Variants in CFAP46 observed in about 807,000 individuals in gnomAD.
CFAP46 encodes the protein cilia- and flagella-associated protein 46.
A neutral mutation model predicts 325.7 loss-of-function variants in CFAP46; 245 were observed. That is an observed-to-expected ratio of 0.75 (90% confidence interval 0.68 to 0.84). CFAP46 has a LOEUF of 0.84. CFAP46 is among the 40% of genes least tolerant of loss of function. The pLI, the probability that CFAP46 is intolerant of heterozygous loss-of-function variation, is 0.00. For missense variants in CFAP46, 3,346 were observed against 3,543.0 expected (o/e 0.94, Z 1.41); for synonymous variants, 1,523 against 1,495.9 (o/e 1.02, Z -0.42).
intron 43 of CFAP46, 145 bp from the exon 44 acceptor site, chr10:132,846,372 T>C: frequency 3.0e-6 from 3 of 995,646 alleles, no homozygotes; most frequent in South Asian, 1.7e-5. Flanking sequence ...TGCTGGCTCC[T>C]CCTGGCACCT....
chr10:132,834,765 C>T lies in CFAP46; in HGVS notation c.6755G>A (p.Gly2252Asp). 1 of 1,611,342 alleles carries T rather than the reference C, an allele frequency of 6.2e-7. No homozygotes were observed. The highest frequency in any genetic ancestry group is 8.5e-7 in the Non-Finnish European group (1 of 1,178,620). ...MALNIGSEPE[G>D]LQVEEKERPV... ...GCGCTCCTTCTCTTCCACCTGCAGGCCTTCTGGTTCCTACCGCAATCCAAA... is the reference window on the plus strand; with the variant it reads ...GCGCTCCTTCTCTTCCACCTGCAGGTCTTCTGGTTCCTACCGCAATCCAAA... Residue 2252 changes from glycine to aspartate, a missense_variant, in exon 48 of 58, where the codon GGC becomes GAC. Coordinates refer to ENST00000368586, the MANE Select transcript of CFAP46 (RefSeq NM_001200049.3).
At chr10:132,818,638 A>T (rs1372535465) in intron 50 of CFAP46, among the ~76,000 whole-genome samples, 2 of 152,126 alleles carry the variant, frequency 1.3e-5, no homozygotes, top group Admixed American at 6.6e-5. Context: ...GGATCACCTG[A>T]GGGCAGGAGT....
intron 34 of CFAP46, 144 bp from the exon 35 acceptor site, chr10:132,866,315 G>T: frequency 1.1e-6 from 1 of 883,770 alleles, no homozygotes; most frequent in South Asian, 3.0e-5. Context: ...TAGGCACCAT[G>T]GGCGCCTCGC....
intron 22 of CFAP46, among the ~76,000 whole-genome samples, chr10:132,903,133 C>A (rs1165517342): frequency 6.6e-6 from 1 of 151,136 alleles, no homozygotes; most frequent in African/African-American, 2.4e-5. Context: ...ACTTCTCTCA[C>A]CCCATTGCTA....
chr10:132,904,832 G>A lies in CFAP46; in HGVS notation c.2924+3636C>T, dbSNP rs551507947. Among the ~76,000 whole-genome samples, 4 of 152,336 alleles carry A rather than the reference G, an allele frequency of 2.6e-5. No individual in the cohort carries two copies. In the South Asian group the frequency reaches 6.2e-4, roughly 24 times the overall value. On this transcript the variant is annotated intron_variant, in intron 22 of 57. Coordinates refer to ENST00000368586, the MANE Select transcript of CFAP46 (RefSeq NM_001200049.3). ...GCTGGAGCGCAGTGGTACAATCACGGCTTGCTGCAGCCTCGACCTACAGGC... is the reference window on the plus strand; with the variant it reads ...GCTGGAGCGCAGTGGTACAATCACGACTTGCTGCAGCCTCGACCTACAGGC...
intron 22 of CFAP46, among the ~76,000 whole-genome samples, chr10:132,906,462 T>C (rs1849457613): frequency 6.6e-6 from 1 of 151,532 alleles, no homozygotes; most frequent in African/African-American, 2.4e-5. Context: ...TGGCGCGTGA[T>C]GCCCCGTCCT....
Position 132,884,987 on chromosome 10 carries a change from G to A in CFAP46, c.3627+116C>T, listed in dbSNP as rs115598130. 38,127 of 1,139,338 alleles carry A rather than the reference G, an allele frequency of 0.033. 3,363 individuals carry two copies. Among genetic ancestry groups the A allele is most frequent in the African/African-American group, 0.31 (19,488 of 63,728 alleles). The allele number at this position is 1,139,338 out of a possible 1,614,324, so 70.6% of individuals were successfully genotyped here. A position where few individuals can be genotyped will look rare whatever the true frequency, so the allele number is the denominator to read the frequency against. On this transcript the variant is annotated intron_variant, in intron 27 of 57. Coordinates refer to ENST00000368586, the MANE Select transcript of CFAP46 (RefSeq NM_001200049.3). The surrounding 1 kb of genome is among the most constrained non-coding windows in gnomAD (Gnocchi z 5.4). ...GGTGCATTCTCTGTGCCCGTCAGCT[G>A]TGGCTGCTCTGCGTGCTGCCCCACA...
At chr10:132,836,688 C>G in intron 45 of CFAP46, 129 bp downstream of exon 45, 2 of 787,810 alleles carry the variant, frequency 2.5e-6, no homozygotes, top group Non-Finnish European at 4.3e-6. Flanking sequence ...TGGGACTGTC[C>G]GGGCGTTTCC....
rs1301627645 is a variant in CFAP46, at chr10:132,820,527, CTG to C, written c.7118-5615_7118-5614del. On this transcript the variant is annotated intron_variant, in intron 50 of 57. Coordinates refer to ENST00000368586, the MANE Select transcript of CFAP46 (RefSeq NM_001200049.3). ...TGTGTGCTGTGAGTGCTGATGTGTG[CTG>C]TGTGTGCACTGATGTGTGCTGTGTG... Among the ~76,000 whole-genome samples, 6 of 132,920 alleles carry C rather than the reference CTG, an allele frequency of 4.5e-5. No homozygotes were observed. The East Asian group carries it at 7.0e-4, about 16-fold the overall frequency. The allele number at this position is 132,920 out of a possible 152,430, so 87.2% of individuals were successfully genotyped here.
At chr10:132,837,567 G>C (rs1425918413) in intron 44 of CFAP46, among the ~76,000 whole-genome samples, 1 of 118,124 alleles carries the variant, frequency 8.5e-6, no homozygotes, top group Non-Finnish European at 1.7e-5. Flanking sequence ...AGACATGCAC[G>C]GACACACACA....
At position 132,936,968 on chromosome 10, in the gene CFAP46, G is replaced by T; in HGVS notation, c.748C>A (p.Leu250Ile). The T allele has an allele frequency of 6.5e-7, 1 of 1,532,594 alleles. No individual in the cohort carries two copies. Among genetic ancestry groups the T allele is most frequent in the Non-Finnish European group, 8.9e-7 (1 of 1,128,848 alleles). The allele number at this position is 1,532,594 out of a possible 1,614,324, so 94.9% of individuals were successfully genotyped here. ...CCTCCCAAAACGACTTACGCCTTTAGCATATTAATATAGAAAGTGACTGAC... is the reference window on the plus strand; with the variant it reads ...CCTCCCAAAACGACTTACGCCTTTATCATATTAATATAGAAAGTGACTGAC... ...SLSVTFYINM[L>I]KAKAEQNDLP... Residue 250 changes from leucine to isoleucine, a missense_variant, in exon 7 of 58, where the codon CTA becomes ATA. Coordinates refer to ENST00000368586, the MANE Select transcript of CFAP46 (RefSeq NM_001200049.3).
rs1849574340 is a variant in CFAP46 at position 132,912,816 on chromosome 10, G to C, written c.2338C>G (p.Pro780Ala). ...TTGCAGAGCGTCACCAGCATCACGG[G>C]GTCCCTGGGAGACATGCTTGTCAGA... is the stretch of plus-strand genomic sequence containing the variant. ...IVKATGHSGDPVMLVTLCNTL... is the reference protein window; with the variant it reads ...IVKATGHSGDAVMLVTLCNTL... Residue 780 changes from proline to alanine, a missense_variant, in exon 19 of 58, where the codon CCC (proline) becomes GCC (alanine). Transcript: ENST00000368586. The C allele has an allele frequency of 6.5e-7, 1 of 1,548,566 alleles. No individual in the cohort carries two copies. Among genetic ancestry groups the C allele is most frequent in the Non-Finnish European group, 8.7e-7 (1 of 1,146,554 alleles).
rs866059111 is a variant in CFAP46, at chr10:132,940,994, A to G, written c.371+2T>C. The G allele has an allele frequency of 2.5e-6, 4 of 1,614,014 alleles. No individual in the cohort carries two copies. Among genetic ancestry groups the G allele is most frequent in the East Asian group, 2.2e-5 (1 of 44,898 alleles). On this transcript the variant is annotated splice_donor_variant, in intron 4 of 57. Transcript: ENST00000368586. LOFTEE classifies it high-confidence loss of function. ...AGAAACGGCCACTTCAATTTTGCCT[A>G]CCTCGGTTCTCCTTTGGCAAAGTTT...
Position 132,823,714 on chromosome 10 carries a change from C to CGTGTGCTGTGTGCTGAT in CFAP46, c.7118-8817_7118-8801dup, listed in dbSNP as rs1564767466. Among the ~76,000 whole-genome samples the CGTGTGCTGTGTGCTGAT allele has an allele frequency of 1.6e-4, 13 of 80,482 alleles. No homozygotes were observed. In the East Asian group the frequency reaches 4.7e-3, roughly 29 times the overall value. 52.8% of individuals were successfully genotyped at this position (80,482 alleles called of 152,430 possible). A position where few individuals can be genotyped will look rare whatever the true frequency, so the allele number is the denominator to read the frequency against. On this transcript the variant is annotated intron_variant, in intron 50 of 57. Coordinates refer to ENST00000368586, the MANE Select transcript of CFAP46 (RefSeq NM_001200049.3). Reference sequence around the variant, plus strand: ...TGTGCTGATGTGTGCTGTGTGCTGACGTGTGCTGTGTGCTGATGTGTGCTG... The same window carrying CGTGTGCTGTGTGCTGAT: ...TGTGCTGATGTGTGCTGTGTGCTGACGTGTGCTGTGTGCTGATGTGTGCTGTGTGCTGATGTGTGCTG...
chr10:132,836,842 G>A lies in CFAP46; in HGVS notation c.6511C>T (p.Leu2171Phe). 6.2e-7 allele frequency: 1 copy of A among 1,613,836 alleles called. No homozygotes were observed. The highest frequency in any genetic ancestry group is 8.5e-7 in the Non-Finnish European group (1 of 1,179,970). Residue 2171 changes from leucine (L) to phenylalanine (F), a missense_variant, in exon 45 of 58, where the codon CTC becomes TTC. By Grantham distance (22) the Leu-to-Phe change is conservative. Coordinates refer to ENST00000368586, the MANE Select transcript of CFAP46 (RefSeq NM_001200049.3). ...LNEMPPTFWI[L>F]FLHLSGDRSR... ...CTGTCCCCTGAGAGGTGCAGAAAGAGGATCCAAAAGGTCGGAGGCATCTCA... is the reference window on the plus strand; with the variant it reads ...CTGTCCCCTGAGAGGTGCAGAAAGAAGATCCAAAAGGTCGGAGGCATCTCA...
intron 3 of CFAP46, among the ~76,000 whole-genome samples, chr10:132,941,364 A>T (rs1466253513): frequency 1.3e-5 from 2 of 152,250 alleles, no homozygotes; most frequent in African/African-American, 4.8e-5. Flanking sequence ...GATGCCACAG[A>T]GACCACGCTG....
At chr10:132,857,455 T>C in intron 39 of CFAP46, 135 bp downstream of exon 39, 1 of 812,894 alleles carries the variant, frequency 1.2e-6, no homozygotes, top group African/African-American at 1.7e-5. Flanking sequence ...TTGTTTCAGA[T>C]GGGGGAGTAT....
At chr10:132,937,839 G>A (rs1464493577) in intron 5 of CFAP46, among the ~76,000 whole-genome samples, 164 bp from the exon 6 acceptor site, 3 of 152,190 alleles carry the variant, frequency 2.0e-5, no homozygotes, top group Admixed American at 2.0e-4. Context: ...TCACCAGGAA[G>A]GGCCAGCAGG....
chr10:132,922,597 G>A lies in CFAP46; in HGVS notation c.1368C>T (p.Asp456=). 1 of 1,549,216 alleles carries A rather than the reference G, an allele frequency of 6.5e-7. No homozygotes were observed. The highest frequency in any genetic ancestry group is 8.7e-7 in the Non-Finnish European group (1 of 1,146,832). Residue 456 remains aspartate (D), a synonymous_variant, in exon 12 of 58, where the codon GAC becomes GAT. Coordinates refer to ENST00000368586, the MANE Select transcript of CFAP46 (RefSeq NM_001200049.3). ...TEHLRKAARL[D]SLGLYRDRIQ... is the part of the protein sequence containing the mutation. ...TCCTGTCCCGGTAGAGGCCCAGGCT[G>A]TCCAGGCGCGCGGCTTTCCGGAGGT...
Sources: allele counts gnomAD v4.1 joint callset (sites outside exome capture counted in the v4.1 genomes callset), GRCh38; gene constraint gnomAD v4.1.1; non-coding constraint Gnocchi (gnomAD v3.1); transcripts MANE v1.5; gene names NCBI Gene and HGNC (gene_info 2026-07-23, HGNC 2026-07-21).